Variants in RNF114 observed in about 807,000 individuals in gnomAD.
The protein encoded by RNF114 is ring finger protein 114.
Under a neutral mutation model 28.4 loss-of-function variants are expected in RNF114, and 6 were observed. The ratio of observed to expected loss-of-function variants is 0.21; its 90% CI spans 0.12 to 0.42. RNF114 has a LOEUF of 0.42. Ranked by LOEUF, RNF114 falls within the 10% of genes least tolerant of loss-of-function variation. RNF114 has a pLI of 1.00. For synonymous variants in RNF114, 115 were observed against 116.7 expected, an observed-to-expected ratio of 0.99 and a Z score of 0.09; for missense variants, 249 against 311.7, an observed-to-expected ratio of 0.80 and a Z score of 1.51.
chr20:49,949,842 A>C (rs1261578077), intron 5 of RNF114, among the ~76,000 whole-genome samples: 1 of 151,840 alleles, frequency 6.6e-6, no homozygotes, highest in Non-Finnish European at 1.5e-5. Context: ...ACAGGCTTTC[A>C]CTATGTTGGC....
intron 2 of RNF114, 68 bp from the exon 3 acceptor site, chr20:49,945,314 T>TATCA: frequency 2.1e-6 from 2 of 933,612 alleles, no homozygotes; most frequent in Non-Finnish European, 3.5e-6. Context: ...TGTGCCCTTG[T>TATCA]TTGGGACTAT....
intron 5 of RNF114, 55 bp from the exon 6 acceptor site, chr20:49,952,021 C>T: frequency 7.3e-7 from 1 of 1,370,370 alleles, no homozygotes; most frequent in Non-Finnish European, 1.0e-6. Context: ...TACTGAAAGC[C>T]AGTCTTTGCA....
chr20:49,947,104 C>G (rs1010642488), intron 4 of RNF114, among the ~76,000 whole-genome samples: 1 of 151,270 alleles, frequency 6.6e-6, no homozygotes, highest in Non-Finnish European at 1.5e-5. Context: ...CCTTTAATCC[C>G]AGCTACTTGG....
intron 4 of RNF114, among the ~76,000 whole-genome samples, chr20:49,948,165 A>G (rs956799016): frequency 1.3e-5 from 2 of 151,692 alleles, no homozygotes; most frequent in East Asian, 1.9e-4. Context: ...GTCCCACCCT[A>G]TGTTCTAGCT....
chr20:49,952,334 G>A lies in RNF114; in HGVS notation c.*193G>A, dbSNP rs2090358259. On this transcript the variant is annotated 3_prime_UTR_variant, in exon 6 of 6. Coordinates refer to ENST00000244061, the MANE Select transcript of RNF114 (RefSeq NM_018683.4). The stretch of plus-strand genomic sequence containing the variant: ...CTCTTCCCTTTGGGCTCTTGCCAAA[G>A]CTGTCTTCCCCTACTGTTAACCTTG... The A allele has an allele frequency of 1.7e-6, 1 of 591,034 alleles. No individual in the cohort carries two copies. 36.6% of individuals were successfully genotyped at this position (591,034 alleles called of 1,614,324 possible).
intron 1 of RNF114, among the ~76,000 whole-genome samples, chr20:49,937,577 C>T (rs1020841836): frequency 6.6e-6 from 1 of 152,216 alleles, no homozygotes; most frequent in Non-Finnish European, 1.5e-5. Context: ...AGATGTACTG[C>T]AGGTGACCAT....
chr20:49,952,513 C>A lies in RNF114; in HGVS notation c.*372C>A, dbSNP rs934683465. The A allele has an allele frequency of 1.6e-5, 7 of 429,392 alleles. No individual in the cohort carries two copies. The highest frequency in any genetic ancestry group is 9.8e-5 in the African/African-American group (5 of 50,942). 26.6% of individuals were successfully genotyped at this position (429,392 alleles called of 1,614,324 possible). A position where few individuals can be genotyped will look rare whatever the true frequency, so the allele number is the denominator to read the frequency against. On this transcript the variant is annotated 3_prime_UTR_variant, in exon 6 of 6. Coordinates refer to ENST00000244061, the MANE Select transcript of RNF114 (RefSeq NM_018683.4). ...TCGGGTCCTTCAAGCCAGCCAGGAC[C>A]TTTTCTGGGTCATGAATAGCACAAT... is the stretch of plus-strand genomic sequence containing the variant.
intron 1 of RNF114, among the ~76,000 whole-genome samples, chr20:49,936,784 CTG>C (rs1333772508): frequency 6.6e-6 from 1 of 152,052 alleles, no homozygotes; most frequent in Non-Finnish European, 1.5e-5. Context: ...CAGCTGCTGT[CTG>C]TTGAGCGCCT....
chr20:49,950,026 C>T (rs997541726), intron 5 of RNF114, among the ~76,000 whole-genome samples: 3 of 147,372 alleles, frequency 2.0e-5, no homozygotes, highest in South Asian at 2.4e-4. Context: ...CCGAGGTGGG[C>T]GGATCCTGAG....
At chr20:49,943,648 CTTCTTTT>C (rs2090316120) in intron 2 of RNF114, among the ~76,000 whole-genome samples, 1 of 93,060 alleles carries the variant, frequency 1.1e-5, no homozygotes, top group Non-Finnish European at 2.2e-5. Context: ...TCCCTACTGT[CTTCTTTT>C]TTTTTTTTTT....
chr20:49,948,159 C>T (rs1159127790), intron 4 of RNF114, among the ~76,000 whole-genome samples: 2 of 152,104 alleles, frequency 1.3e-5, no homozygotes, highest in East Asian at 3.9e-4. Flanking sequence ...TCTCTAGTCC[C>T]ACCCTATGTT....
chr20:49,950,691 A>AAAC lies in RNF114; in HGVS notation c.621+1338_621+1339insCAA, dbSNP rs1555858069. ...GAATGAGACCCTGTCTCAAAAAAAA[A>AAAC]AAAAAAAAACAAAACACACACACAC... On this transcript the variant is annotated intron_variant, in intron 5 of 5. Coordinates refer to ENST00000244061, the MANE Select transcript of RNF114 (RefSeq NM_018683.4). 3.8e-3 allele frequency among the ~76,000 whole-genome samples: 573 copies of AAAC among 151,298 alleles called. 5 individuals carry two copies. The highest frequency in any genetic ancestry group is 0.013 in the African/African-American group (550 of 41,316).
At chr20:49,940,074 A>G (rs1202322341) in intron 1 of RNF114, among the ~76,000 whole-genome samples, 1 of 151,044 alleles carries the variant, frequency 6.6e-6, no homozygotes, top group Non-Finnish European at 1.5e-5. Flanking sequence ...AAAAAAAAAA[A>G]AGTAACAAAA....
rs1462212625 is a variant in RNF114, at chr20:49,936,548, C to T, written c.136C>T (p.His46Tyr). 6.3e-7 allele frequency: 1 copy of T among 1,582,536 alleles called. No homozygotes were observed. The highest frequency in any genetic ancestry group is 8.6e-7 in the Non-Finnish European group (1 of 1,166,388). ...YEKPVQVPCG[H>Y]VFCSACLQEC... The stretch of plus-strand genomic sequence containing the variant: ...GAAGCCGGTACAGGTGCCCTGCGGA[C>T]ACGTGTAAGCGGCGAGCCCGGGCCT... The change falls in exon 1 of 6, where the codon CAC becomes TAC. Residue 46 changes from histidine (H) to tyrosine (Y), a missense_variant. This residue lies in a region of RNF114 where 123 missense variants were observed against 106.4 expected (regional missense o/e 1.16). Transcript: ENST00000244061.
At chr20:49,938,054 G>A (rs913025762) in intron 1 of RNF114, among the ~76,000 whole-genome samples, 3 of 152,186 alleles carry the variant, frequency 2.0e-5, no homozygotes, top group African/African-American at 4.8e-5. Context: ...ATCAGGTAAT[G>A]GTTGAATGAA....
chr20:49,948,853 T>C (rs1040785983), intron 4 of RNF114, among the ~76,000 whole-genome samples: 8 of 152,192 alleles, frequency 5.3e-5, no homozygotes, highest in Admixed American at 5.2e-4. Context: ...AGCATTTCCT[T>C]TGTTAAGATG....
chr20:49,951,928 A>G (rs1239013101), intron 5 of RNF114, 148 bp from the exon 6 acceptor site: 1 of 616,796 alleles, frequency 1.6e-6, no homozygotes. Context: ...CCAAAGTTAC[A>G]TACCTAGCAT....
At chr20:49,941,294 C>T in intron 1 of RNF114, 1 of 349,226 alleles carries the variant, frequency 2.9e-6, no homozygotes, top group Non-Finnish European at 5.2e-6. Flanking sequence ...CCTTCAGTGG[C>T]AGGGCCTAAG....
At chr20:49,943,493 T>A (rs993164037) in intron 2 of RNF114, among the ~76,000 whole-genome samples, 1 of 151,956 alleles carries the variant, frequency 6.6e-6, no homozygotes, top group Non-Finnish European at 1.5e-5. Context: ...AAAAAAAAAT[T>A]GAGGATTCCT....
Sources: allele counts gnomAD v4.1 joint callset (sites outside exome capture counted in the v4.1 genomes callset), GRCh38; gene constraint gnomAD v4.1.1; regional missense constraint gnomAD v4.1.1; transcripts MANE v1.5; gene names NCBI Gene and HGNC (gene_info 2026-07-23, HGNC 2026-07-21).